SERP1: variants seen among roughly 807,000 people sequenced by gnomAD.
SERP1 encodes stress associated endoplasmic reticulum protein 1.
SERP1 carries 6 observed loss-of-function variants against 8.8 expected under a neutral mutation model. The ratio of observed to expected loss-of-function variants is 0.68; its 90% CI spans 0.37 to 1.35. The LOEUF (loss-of-function observed/expected upper bound fraction) is 1.35, where lower values mean the gene tolerates loss of function less well. Ranked by LOEUF, SERP1 falls within the 40% of genes most tolerant of loss-of-function variation. The probability of loss-of-function intolerance (pLI) is 0.02; values close to 1 mark genes in which losing one functional copy is unlikely to be tolerated. For synonymous variants in SERP1, 36 were observed against 28.7 expected, an observed-to-expected ratio of 1.25 and a Z score of -0.81; for missense variants, 52 against 86.2, an observed-to-expected ratio of 0.60 and a Z score of 1.57.
In SERP1 at chr3:150,546,406, G is replaced by A. The variant is rs1576582695; in HGVS notation, c.-271C>T. On this transcript the variant is annotated 5_prime_UTR_variant, in exon 1 of 3. Coordinates refer to ENST00000239944, the MANE Select transcript of SERP1 (RefSeq NM_014445.4). ...GCCGGGTCGTTCTCGCGCCGCCGTC[G>A]CCGCCGCTTTGGCCGCCGCCGTGAG... is the stretch of plus-strand genomic sequence containing the variant. 3 of 555,530 alleles carry A rather than the reference G, an allele frequency of 5.4e-6. No individual in the cohort carries two copies. Among genetic ancestry groups the A allele is most frequent in the Admixed American group, 3.6e-5 (1 of 27,624 alleles). 34.4% of individuals were successfully genotyped at this position (555,530 alleles called of 1,614,324 possible).
chr3:150,544,408 G>A lies in SERP1; in HGVS notation c.*50C>T, dbSNP rs1356810168. On this transcript the variant is annotated 3_prime_UTR_variant, in exon 3 of 3. Transcript: ENST00000239944. Reference sequence around the variant, plus strand: ...CCAGGGTATCAAACATCAGGAATGAGTTCAAGTTAAAATTCACAGGAGAAT... The same window carrying A: ...CCAGGGTATCAAACATCAGGAATGAATTCAAGTTAAAATTCACAGGAGAAT... The A allele has an allele frequency of 2.6e-6, 4 of 1,530,092 alleles. No individual in the cohort carries two copies. The highest frequency in any genetic ancestry group is 2.3e-5 in the East Asian group (1 of 44,380). The allele number at this position is 1,530,092 out of a possible 1,614,324, so 94.8% of individuals were successfully genotyped here.
chr3:150,545,642 A>T (rs1401842146), intron 2 of SERP1, 61 bp downstream of exon 2: 1 of 1,510,304 alleles, frequency 6.6e-7, no homozygotes, highest in Non-Finnish European at 9.1e-7. Flanking sequence ...ACCGGTCACC[A>T]CGTCATCCCA....
At chr3:150,545,145 G>A (rs1274162368) in intron 2 of SERP1, among the ~76,000 whole-genome samples, 4 of 152,090 alleles carry the variant, frequency 2.6e-5, no homozygotes, top group East Asian at 1.9e-4. Context: ...AGGCTACCCC[G>A]ACACTTTTTT....
In SERP1 at chr3:150,546,111, T is replaced by C. The variant is rs1468166923; in HGVS notation, c.25A>G (p.Met9Val). The change falls in exon 1 of 3, where the codon ATG becomes GTG. Residue 9 changes from methionine (M) to valine (V), a missense_variant. By Grantham distance (21) the Met-to-Val change is conservative (BLOSUM62 1). Transcript: ENST00000239944. ...TTCTTGCTGTGCTTCTCGTTGGCCATACGGATCCTTTGCTTGGCGACCATC... is the reference window on the plus strand; with the variant it reads ...TTCTTGCTGTGCTTCTCGTTGGCCACACGGATCCTTTGCTTGGCGACCATC... Reference protein sequence around the residue: MVAKQRIRMANEKHSKNIT... With the variant: MVAKQRIRVANEKHSKNIT... 1.2e-6 allele frequency: 2 copies of C among 1,613,672 alleles called. No individual in the cohort carries two copies. The highest frequency in any genetic ancestry group is 2.7e-5 in the African/African-American group (2 of 75,048).
rs1280707753 is a variant in SERP1, at chr3:150,546,263, C to CGCTA, written c.-132_-129dup. ...GGAGCGCCGAGGTTCTCAGGCCAGACGCTAGCTACGGCCGCTGGGCCTGGG... is the reference window on the plus strand; with the variant it reads ...GGAGCGCCGAGGTTCTCAGGCCAGACGCTAGCTAGCTACGGCCGCTGGGCCTGGG... On this transcript the variant is annotated 5_prime_UTR_variant, in exon 1 of 3. Transcript: ENST00000239944. 2 of 1,048,584 alleles carry CGCTA rather than the reference C, an allele frequency of 1.9e-6. No individual in the cohort carries two copies. Among genetic ancestry groups the CGCTA allele is most frequent in the Non-Finnish European group, 2.8e-6 (2 of 722,810 alleles). The allele number at this position is 1,048,584 out of a possible 1,614,324, so 65.0% of individuals were successfully genotyped here. A position where few individuals can be genotyped will look rare whatever the true frequency, so the allele number is the denominator to read the frequency against.
At position 150,543,378 on chromosome 3, in the gene SERP1, GATC is replaced by G. The variant is rs1296211014; in HGVS notation, c.*1077_*1079del. 1 of 152,568 alleles carries G rather than the reference GATC, an allele frequency of 6.6e-6. No individual in the cohort carries two copies. Among genetic ancestry groups the G allele is most frequent in the Non-Finnish European group, 1.5e-5 (1 of 68,018 alleles). 9.5% of individuals were successfully genotyped at this position (152,568 alleles called of 1,614,324 possible). A position where few individuals can be genotyped will look rare whatever the true frequency, so the allele number is the denominator to read the frequency against. On this transcript the variant is annotated 3_prime_UTR_variant, in exon 3 of 3. Coordinates refer to ENST00000239944, the MANE Select transcript of SERP1 (RefSeq NM_014445.4). ...TATAACAAAGGGAAGACTAAAGACT[GATC>G]ATTATCAGTAAATCCATTCAATTCC...
At chr3:150,544,539 A>T (rs1559869669) in intron 2 of SERP1, 41 bp from the exon 3 acceptor site, 1 of 1,496,670 alleles carries the variant, frequency 6.7e-7, no homozygotes, top group Non-Finnish European at 9.3e-7. Flanking sequence ...AGCTTTGAAT[A>T]AAATAGGTCT....
In SERP1 at chr3:150,546,036, C is replaced by T; in HGVS notation, c.84+16G>A. ...TCCGGCTGCGGAACGCAGAGGGGCGCCCGCTCTTTCCTTACCGAGGTCTTG... is the reference window on the plus strand; with the variant it reads ...TCCGGCTGCGGAACGCAGAGGGGCGTCCGCTCTTTCCTTACCGAGGTCTTG... On this transcript the variant is annotated intron_variant, in intron 1 of 2. Transcript: ENST00000239944. 1 of 1,613,252 alleles carries T rather than the reference C, an allele frequency of 6.2e-7. No homozygotes were observed. Among genetic ancestry groups the T allele is most frequent in the South Asian group, 1.1e-5 (1 of 91,078 alleles).
rs1670805911 is a variant in SERP1 at position 150,543,053 on chromosome 3, CCT to C, written c.*1403_*1404del. On this transcript the variant is annotated 3_prime_UTR_variant, in exon 3 of 3. Coordinates refer to ENST00000239944, the MANE Select transcript of SERP1 (RefSeq NM_014445.4). ...CCATGTTTGAGGGTATCAGAAGCCC[CCT>C]GTGAGGTTCACGCTGTGTATAGACT... 1 of 152,574 alleles carries C rather than the reference CCT, an allele frequency of 6.6e-6. No homozygotes were observed. Among genetic ancestry groups the C allele is most frequent in the Non-Finnish European group, 1.5e-5 (1 of 68,012 alleles). 9.5% of individuals were successfully genotyped at this position (152,574 alleles called of 1,614,324 possible).
rs1722908512 is a variant in SERP1 at position 150,543,131 on chromosome 3, A to C, written c.*1327T>G. Reference sequence around the variant, plus strand: ...TCTTAAAACAGCTTATTTTAAAAGAAATATCCTGAGGCAATTAACAAAGCA... The same window carrying C: ...TCTTAAAACAGCTTATTTTAAAAGACATATCCTGAGGCAATTAACAAAGCA... On this transcript the variant is annotated 3_prime_UTR_variant, in exon 3 of 3. Coordinates refer to ENST00000239944, the MANE Select transcript of SERP1 (RefSeq NM_014445.4). 1 of 152,600 alleles carries C rather than the reference A, an allele frequency of 6.6e-6. No individual in the cohort carries two copies. The highest frequency in any genetic ancestry group is 1.5e-5 in the Non-Finnish European group (1 of 68,024). The allele number at this position is 152,600 out of a possible 1,614,324, so 9.5% of individuals were successfully genotyped here. A position where few individuals can be genotyped will look rare whatever the true frequency, so the allele number is the denominator to read the frequency against.
At position 150,543,737 on chromosome 3, in the gene SERP1, C is replaced by A. The variant is rs1722924024; in HGVS notation, c.*721G>T. 1 of 150,108 alleles carries A rather than the reference C, an allele frequency of 6.7e-6. No homozygotes were observed. The highest frequency in any genetic ancestry group is 2.5e-5 in the African/African-American group (1 of 40,780). The allele number at this position is 150,108 out of a possible 1,614,324, so 9.3% of individuals were successfully genotyped here. A position where few individuals can be genotyped will look rare whatever the true frequency, so the allele number is the denominator to read the frequency against. On this transcript the variant is annotated 3_prime_UTR_variant, in exon 3 of 3. Coordinates refer to ENST00000239944, the MANE Select transcript of SERP1 (RefSeq NM_014445.4). ...TCCACCACGGTAGCTTTTAGTGAAA[C>A]CACAGTAACTGATTAAGTCAGAAAA...
Position 150,542,876 on chromosome 3 carries a change from G to C in SERP1, c.*1582C>G, listed in dbSNP as rs1420186740. The C allele has an allele frequency of 6.6e-6, 1 of 152,536 alleles. No homozygotes were observed. Among genetic ancestry groups the C allele is most frequent in the Admixed American group, 6.5e-5 (1 of 15,282 alleles). The allele number at this position is 152,536 out of a possible 1,614,324, so 9.4% of individuals were successfully genotyped here. A position where few individuals can be genotyped will look rare whatever the true frequency, so the allele number is the denominator to read the frequency against. On this transcript the variant is annotated 3_prime_UTR_variant, in exon 3 of 3. Transcript: ENST00000239944. ...TTAACCAAGACACTTGTTTCAAAAA[G>C]GGAAACAAGTACAGAGACTGATTAA...
At position 150,542,032 on chromosome 3, in the gene SERP1, C is replaced by T. The variant is rs1029515081; in HGVS notation, c.*2426G>A. The T allele has an allele frequency of 6.6e-6, 1 of 152,178 alleles. No homozygotes were observed. The highest frequency in any genetic ancestry group is 2.4e-5 in the African/African-American group (1 of 41,448). 9.4% of individuals were successfully genotyped at this position (152,178 alleles called of 1,614,324 possible). ...CACATTTCTTTAATGTAAGTCAAAG[C>T]CCATCACAATGCATCCTGTTACAAT... On this transcript the variant is annotated 3_prime_UTR_variant, in exon 3 of 3. Transcript: ENST00000239944.
At position 150,545,451 on chromosome 3, in the gene SERP1, G is replaced by A. The variant is rs1722966185; in HGVS notation, c.160+252C>T. Reference sequence around the variant, plus strand: ...CCGGTCTTAACATTTATTCCAACTGGATCATTACCAAGACCTGACCTCCTT... The same window carrying A: ...CCGGTCTTAACATTTATTCCAACTGAATCATTACCAAGACCTGACCTCCTT... On this transcript the variant is annotated intron_variant, in intron 2 of 2. Coordinates refer to ENST00000239944, the MANE Select transcript of SERP1 (RefSeq NM_014445.4). 1.2e-5 allele frequency: 6 copies of A among 495,602 alleles called. No homozygotes were observed. In the South Asian group the frequency reaches 2.1e-4, roughly 18 times the overall value. The allele number at this position is 495,602 out of a possible 1,614,324, so 30.7% of individuals were successfully genotyped here. A position where few individuals can be genotyped will look rare whatever the true frequency, so the allele number is the denominator to read the frequency against.
chr3:150,546,229 C>G lies in SERP1; in HGVS notation c.-94G>C. The stretch of plus-strand genomic sequence containing the variant: ...GCTGCGAGGCTCGGCTCGTGGTGCC[C>G]GCGCCGCCGGAGCGCCGAGGTTCTC... On this transcript the variant is annotated 5_prime_UTR_variant, in exon 1 of 3. Transcript: ENST00000239944. The G allele has an allele frequency of 1.3e-5, 18 of 1,435,136 alleles. No individual in the cohort carries two copies. The highest frequency in any genetic ancestry group is 1.7e-5 in the Non-Finnish European group (18 of 1,037,978). The allele number at this position is 1,435,136 out of a possible 1,614,324, so 88.9% of individuals were successfully genotyped here.
rs1559869299 is a variant in SERP1, at chr3:150,543,361, AG to A, written c.*1096del. The A allele has an allele frequency of 6.6e-6, 1 of 152,626 alleles. No individual in the cohort carries two copies. The highest frequency in any genetic ancestry group is 1.5e-5 in the Non-Finnish European group (1 of 68,024). The allele number at this position is 152,626 out of a possible 1,614,324, so 9.5% of individuals were successfully genotyped here. A position where few individuals can be genotyped will look rare whatever the true frequency, so the allele number is the denominator to read the frequency against. On this transcript the variant is annotated 3_prime_UTR_variant, in exon 3 of 3. Coordinates refer to ENST00000239944, the MANE Select transcript of SERP1 (RefSeq NM_014445.4). Reference sequence around the variant, plus strand: ...CATAACCTATAAAGTCATATAACAAAGGGAAGACTAAAGACTGATCATTATC... The same window carrying A: ...CATAACCTATAAAGTCATATAACAAAGGAAGACTAAAGACTGATCATTATC...
At position 150,544,580 on chromosome 3, in the gene SERP1, G is replaced by A. The variant is rs527273162; in HGVS notation, c.161-82C>T. 120 of 1,157,720 alleles carry A rather than the reference G, an allele frequency of 1.0e-4. No individual in the cohort carries two copies. The East Asian group carries it at 2.6e-3, about 25-fold the overall frequency. 71.7% of individuals were successfully genotyped at this position (1,157,720 alleles called of 1,614,324 possible). On this transcript the variant is annotated intron_variant, in intron 2 of 2. Coordinates refer to ENST00000239944, the MANE Select transcript of SERP1 (RefSeq NM_014445.4). ...CTAACAAATATTTATTAAGGTAGCT[G>A]AAGAATCCAAAGGTACTCTTACATT...
chr3:150,543,824 T>C lies in SERP1; in HGVS notation c.*634A>G, dbSNP rs972073245. 1 of 152,094 alleles carries C rather than the reference T, an allele frequency of 6.6e-6. No individual in the cohort carries two copies. Among genetic ancestry groups the C allele is most frequent in the African/African-American group, 2.4e-5 (1 of 41,406 alleles). The allele number at this position is 152,094 out of a possible 1,614,324, so 9.4% of individuals were successfully genotyped here. ...ATACTCACTCATGCAAAATCCAAGG[T>C]AGTGTAATGGAAACAATATTGGTAA... is the stretch of plus-strand genomic sequence containing the variant. On this transcript the variant is annotated 3_prime_UTR_variant, in exon 3 of 3. Coordinates refer to ENST00000239944, the MANE Select transcript of SERP1 (RefSeq NM_014445.4).
At chr3:150,545,398 T>C in intron 2 of SERP1, 1 of 438,572 alleles carries the variant, frequency 2.3e-6, no homozygotes, top group Admixed American at 3.9e-5. Context: ...TACAAAACAT[T>C]CTAAATTCTC....
Sources: gnomAD v4.1 joint callset for allele counts (sites outside exome capture counted in the v4.1 genomes callset) on GRCh38, gnomAD v4.1.1 for gene constraint, MANE v1.5 for transcripts, NCBI Gene and HGNC (gene_info 2026-07-23, HGNC 2026-07-21) for gene names.